ARHGAP10: variants seen among roughly 807,000 people sequenced by gnomAD.
The protein encoded by ARHGAP10 is rho GTPase-activating protein 10.
A neutral mutation model predicts 108.6 loss-of-function variants in ARHGAP10; 87 were observed. The observed-to-expected ratio is 0.80, with a 90% confidence interval of 0.67 to 0.96. The LOEUF (loss-of-function observed/expected upper bound fraction) is 0.96, where lower values mean the gene tolerates loss of function less well. ARHGAP10 is among the 40% of genes least tolerant of loss of function. ARHGAP10 has a pLI of 0.00. For missense variants in ARHGAP10, 939 were observed against 954.5 expected (o/e 0.98, Z 0.21); for synonymous variants, 347 against 341.1 (o/e 1.02, Z -0.19).
chr4:148,023,007 GT>G, intron 18 of ARHGAP10: 1 of 347,640 alleles, frequency 2.9e-6, no homozygotes. Context: ...TATTTGTTTA[GT>G]TTTGGAATGA....
intron 15 of ARHGAP10, among the ~76,000 whole-genome samples, chr4:147,948,992 A>C (rs1037687438): frequency 4.0e-5 from 6 of 151,546 alleles, no homozygotes; most frequent in African/African-American, 9.7e-5. Context: ...AAAAACCCCC[A>C]AAAAACAGAA....
intron 10 of ARHGAP10, among the ~76,000 whole-genome samples, chr4:147,905,183 G>T (rs1579183279): frequency 6.6e-6 from 1 of 152,134 alleles, no homozygotes; most frequent in Non-Finnish European, 1.5e-5. Flanking sequence ...TTTGTAGGTT[G>T]CCTGATCACT....
At chr4:147,865,003 T>G in intron 6 of ARHGAP10, 47 bp downstream of exon 6, 3 of 1,487,888 alleles carry the variant, frequency 2.0e-6, no homozygotes, top group Non-Finnish European at 2.8e-6. Context: ...CAATGTAAGA[T>G]AAGTATTTAT....
intron 10 of ARHGAP10, among the ~76,000 whole-genome samples, chr4:147,888,640 A>G (rs894383442): frequency 1.3e-5 from 2 of 152,224 alleles, no homozygotes; most frequent in Non-Finnish European, 2.9e-5. Flanking sequence ...GCTGCTTTTT[A>G]AAAACAATTA....
At chr4:147,864,388 G>A (rs538229736) in intron 5 of ARHGAP10, 116 of 155,348 alleles carry the variant, frequency 7.5e-4, no homozygotes, top group Middle Eastern at 3.3e-3. Flanking sequence ...GAGCGCTGAG[G>A]TGCTGGGCCC....
chr4:147,781,952 A>G (rs1730553819), intron 1 of ARHGAP10, among the ~76,000 whole-genome samples: 1 of 152,188 alleles, frequency 6.6e-6, no homozygotes, highest in Non-Finnish European at 1.5e-5. Flanking sequence ...GAAAACTGAC[A>G]GTTGAGTTTC....
intron 5 of ARHGAP10, chr4:147,861,698 G>A (rs1487728085): frequency 6.6e-6 from 1 of 152,316 alleles, no homozygotes; most frequent in Non-Finnish European, 1.5e-5. Context: ...GAGGAGACCT[G>A]TAGTGCATAG....
chr4:148,051,729 C>T (rs1729147902), intron 20 of ARHGAP10, among the ~76,000 whole-genome samples: 1 of 152,182 alleles, frequency 6.6e-6, no homozygotes, highest in East Asian at 1.9e-4. Flanking sequence ...CCAGCTAGTG[C>T]CTCAAGCTGT....
chr4:147,864,711 G>C, intron 5 of ARHGAP10, 135 bp from the exon 6 acceptor site: 1 of 652,132 alleles, frequency 1.5e-6, no homozygotes, highest in Non-Finnish European at 2.6e-6. Context: ...TGTCGTACCT[G>C]TGTTGCAATA....
chr4:148,040,700 C>A (rs2149676032), intron 19 of ARHGAP10, among the ~76,000 whole-genome samples: 1 of 152,216 alleles, frequency 6.6e-6, no homozygotes, highest in South Asian at 2.1e-4. Context: ...GGTCTTGGAA[C>A]CATAAACCTT....
intron 18 of ARHGAP10, among the ~76,000 whole-genome samples, chr4:148,018,397 A>G (rs1741430860): frequency 6.6e-6 from 1 of 152,168 alleles, no homozygotes; most frequent in South Asian, 2.1e-4. Context: ...CATCTTGGCA[A>G]TGTAGAACAA....
intron 18 of ARHGAP10, among the ~76,000 whole-genome samples, chr4:147,981,230 A>G (rs1739795810): frequency 6.6e-6 from 1 of 152,142 alleles, no homozygotes; most frequent in South Asian, 2.1e-4. Flanking sequence ...TGCTTTTGCC[A>G]TGTCTCAGAG....
chr4:147,869,011 C>A (rs1734689555), intron 7 of ARHGAP10, among the ~76,000 whole-genome samples: 1 of 152,190 alleles, frequency 6.6e-6, no homozygotes, highest in Non-Finnish European at 1.5e-5. Context: ...TTCACCTTGT[C>A]TGTCTGGACC....
chr4:148,013,180 G>A (rs1223070024), intron 18 of ARHGAP10, among the ~76,000 whole-genome samples: 1 of 152,124 alleles, frequency 6.6e-6, no homozygotes, highest in Admixed American at 6.5e-5. Context: ...TCAAAACATG[G>A]ATTTACTTTA....
intron 1 of ARHGAP10, among the ~76,000 whole-genome samples, chr4:147,805,150 A>G (rs528616647): frequency 3.3e-5 from 5 of 152,296 alleles, no homozygotes; most frequent in African/African-American, 1.2e-4. Flanking sequence ...TAATTTTTGT[A>G]TATGGAGTTA....
At chr4:147,954,726 A>G (rs1313334067) in intron 15 of ARHGAP10, among the ~76,000 whole-genome samples, 2 of 152,012 alleles carry the variant, frequency 1.3e-5, no homozygotes, top group Non-Finnish European at 2.9e-5. Context: ...ATTTCTGTTG[A>G]TCACAGGATA....
At chr4:147,816,887 T>C (rs965485553) in intron 1 of ARHGAP10, among the ~76,000 whole-genome samples, 2 of 152,228 alleles carry the variant, frequency 1.3e-5, no homozygotes, top group African/African-American at 4.8e-5. Context: ...GGGTACTAAA[T>C]TCTTAGAGTC....
intron 15 of ARHGAP10, among the ~76,000 whole-genome samples, chr4:147,948,385 C>G (rs979790648): frequency 7.9e-5 from 12 of 152,108 alleles, no homozygotes; most frequent in African/African-American, 2.9e-4. Flanking sequence ...TCAATTTTTA[C>G]CAACTGTCTT....
At chr4:148,013,113 C>T (rs1266070070) in intron 18 of ARHGAP10, among the ~76,000 whole-genome samples, 1 of 152,146 alleles carries the variant, frequency 6.6e-6, no homozygotes, top group Non-Finnish European at 1.5e-5. Context: ...AAGGCTGATA[C>T]TAATCTGCCC....
Sources: allele counts gnomAD v4.1 joint callset (sites outside exome capture counted in the v4.1 genomes callset), GRCh38; gene constraint gnomAD v4.1.1; transcripts MANE v1.5; gene names NCBI Gene and HGNC (gene_info 2026-07-23, HGNC 2026-07-21).